Variants in SLC30A8 observed in about 807,000 individuals in gnomAD.
SLC30A8 encodes proton-coupled zinc antiporter SLC30A8.
SLC30A8 carries 27 observed loss-of-function variants against 36.9 expected under a neutral mutation model. That is an observed-to-expected ratio of 0.73 (90% confidence interval 0.54 to 1.01). The LOEUF (loss-of-function observed/expected upper bound fraction) is 1.01, where lower values mean the gene tolerates loss of function less well. Among genes scored for constraint, SLC30A8 ranks in the 50% least tolerant of loss-of-function variants. SLC30A8 has a pLI of 0.00. For missense variants in SLC30A8, 439 were observed against 452.0 expected (o/e 0.97, Z 0.26); for synonymous variants, 164 against 172.4 (o/e 0.95, Z 0.38).
chr8:117,131,736 G>A (rs1042791555), upstream of SLC30A8, among the ~76,000 whole-genome samples: 6 of 151,942 alleles, frequency 3.9e-5, no homozygotes, highest in African/African-American at 1.4e-4. Context: ...CTTAGACATG[G>A]CCCAGTGTAT....
chr8:117,068,474 C>T (rs760151660), intron 2 of SLC30A8, among the ~76,000 whole-genome samples: 4 of 152,226 alleles, frequency 2.6e-5, no homozygotes, highest in Non-Finnish European at 5.9e-5. Flanking sequence ...ATCTGCTCCA[C>T]ATGCATCATT....
At chr8:117,117,685 G>A (rs1820504955) in intron 2 of SLC30A8, among the ~76,000 whole-genome samples, 1 of 151,846 alleles carries the variant, frequency 6.6e-6, no homozygotes, top group Admixed American at 6.6e-5. Flanking sequence ...AGGACTTAAG[G>A]GAGAACTTGC....
At chr8:117,078,913 C>T (rs1334827124) in intron 2 of SLC30A8, among the ~76,000 whole-genome samples, 1 of 152,128 alleles carries the variant, frequency 6.6e-6, no homozygotes, top group Non-Finnish European at 1.5e-5. Context: ...GTCTTGAATT[C>T]CTGGGCTCAA....
intron 1 of SLC30A8, among the ~76,000 whole-genome samples, chr8:117,144,653 T>C (rs747574306): frequency 6.6e-6 from 1 of 152,210 alleles, no homozygotes; most frequent in East Asian, 1.9e-4. Context: ...CATAATGATA[T>C]AGAAAATTTT....
intron 2 of SLC30A8, among the ~76,000 whole-genome samples, chr8:117,102,426 T>C (rs1423229582): frequency 1.3e-5 from 2 of 152,204 alleles, no homozygotes; most frequent in African/African-American, 4.8e-5. Flanking sequence ...CGAATGTTGC[T>C]AGTCAGGTTT....
At chr8:117,160,640 C>A (rs763228050) in intron 4 of SLC30A8, among the ~76,000 whole-genome samples, 1 of 152,120 alleles carries the variant, frequency 6.6e-6, no homozygotes. Context: ...TGAATGACAA[C>A]GTGATGAACA....
At chr8:117,108,802 T>C (rs542853405) in intron 2 of SLC30A8, among the ~76,000 whole-genome samples, 2 of 152,340 alleles carry the variant, frequency 1.3e-5, no homozygotes, top group Non-Finnish European at 2.9e-5. Flanking sequence ...CAACAGGATC[T>C]AAAATGTTCT....
At chr8:116,981,383 C>A (rs1024879906) in intron 1 of SLC30A8, among the ~76,000 whole-genome samples, 3 of 152,150 alleles carry the variant, frequency 2.0e-5, no homozygotes, top group Non-Finnish European at 2.9e-5. Context: ...GGCCCTGATA[C>A]AAGAGGAGGA....
At chr8:117,163,649 GA>G in intron 6 of SLC30A8, 119 bp downstream of exon 6, 1 of 728,062 alleles carries the variant, frequency 1.4e-6, no homozygotes, top group Non-Finnish European at 2.1e-6. Flanking sequence ...AATTTAAAGT[GA>G]AAAGGAATTT....
intron 2 of SLC30A8, among the ~76,000 whole-genome samples, chr8:117,092,318 C>T (rs1306184582): frequency 6.6e-6 from 1 of 151,610 alleles, no homozygotes; most frequent in African/African-American, 2.4e-5. Flanking sequence ...AAAATTAATG[C>T]TAATAATTTA....
chr8:116,970,355 C>A (rs1814750801), intron 1 of SLC30A8, among the ~76,000 whole-genome samples: 3 of 152,150 alleles, frequency 2.0e-5, no homozygotes, highest in East Asian at 1.9e-4. Context: ...CTGCCTGGGG[C>A]TGTTTTACAG....
At chr8:116,999,577 A>G (rs1430591947) in intron 1 of SLC30A8, among the ~76,000 whole-genome samples, 15 of 152,254 alleles carry the variant, frequency 9.9e-5, no homozygotes, top group Non-Finnish European at 7.3e-5. Flanking sequence ...TAGCATTAAG[A>G]AAAACCAATG....
intron 2 of SLC30A8, among the ~76,000 whole-genome samples, chr8:117,074,665 A>G (rs182850856): frequency 3.3e-5 from 5 of 152,312 alleles, no homozygotes; most frequent in African/African-American, 1.2e-4. Flanking sequence ...TTAAAGGCAC[A>G]TCAGTTCAGT....
At chr8:117,011,622 A>G (rs1481578956) in intron 1 of SLC30A8, among the ~76,000 whole-genome samples, 2 of 152,280 alleles carry the variant, frequency 1.3e-5, no homozygotes, top group African/African-American at 4.8e-5. Context: ...GTAATTTTGC[A>G]CTATCCTTGG....
intron 1 of SLC30A8, 110 bp from the exon 2 acceptor site, chr8:117,146,844 A>G: frequency 6.6e-7 from 1 of 1,517,422 alleles, no homozygotes; most frequent in Non-Finnish European, 8.9e-7. Flanking sequence ...AACACTTCAT[A>G]GCAAGTAAGC....
intron 2 of SLC30A8, among the ~76,000 whole-genome samples, chr8:117,124,562 G>T (rs1184216405): frequency 1.3e-5 from 2 of 149,948 alleles, no homozygotes; most frequent in African/African-American, 2.5e-5. Flanking sequence ...TATGACTTTC[G>T]CTCTCAACCC....
chr8:117,012,598 T>C (rs1816378188), intron 1 of SLC30A8, among the ~76,000 whole-genome samples: 1 of 151,798 alleles, frequency 6.6e-6, no homozygotes, highest in African/African-American at 2.4e-5. Context: ...CTATGCCATT[T>C]TATATCAGGA....
chr8:117,073,303 CTG>C (rs1417210199), intron 2 of SLC30A8, among the ~76,000 whole-genome samples: 1 of 150,612 alleles, frequency 6.6e-6, no homozygotes, highest in Non-Finnish European at 1.5e-5. Flanking sequence ...GTCACCCAGG[CTG>C]GAGTGCAGTG....
chr8:117,086,204 C>G (rs1007671387), intron 2 of SLC30A8, among the ~76,000 whole-genome samples: 3 of 152,170 alleles, frequency 2.0e-5, no homozygotes, highest in African/African-American at 7.2e-5. Flanking sequence ...AGGGAACTAA[C>G]AACTGTGAGT....
Sources: allele counts gnomAD v4.1 joint callset (sites outside exome capture counted in the v4.1 genomes callset), GRCh38; gene constraint gnomAD v4.1.1; transcripts MANE v1.5; gene names NCBI Gene and HGNC (gene_info 2026-07-23, HGNC 2026-07-21).